The following HHAT variants were observed in gnomAD, a reference collection of about 807,000 sequenced individuals.
HHAT encodes protein-cysteine N-palmitoyltransferase HHAT.
In HHAT, 47 loss-of-function variants were observed where a neutral mutation model predicts 70.8. The observed-to-expected ratio is 0.66, with a 90% CI of 0.53 to 0.85. The LOEUF is 0.85. HHAT is among the 40% of genes least tolerant of loss of function. The probability of loss-of-function intolerance (pLI) is 0.00; values close to 1 mark genes in which losing one functional copy is unlikely to be tolerated. For missense variants in HHAT, 609 were observed against 604.8 expected, an observed-to-expected ratio of 1.01 and a Z score of -0.07; for synonymous variants, 228 against 247.6, an observed-to-expected ratio of 0.92 and a Z score of 0.74.
chr1:210,619,027 C>T (rs1374372425), intron 10 of HHAT, among the ~76,000 whole-genome samples: 1 of 152,208 alleles, frequency 6.6e-6, no homozygotes, highest in Non-Finnish European at 1.5e-5. Flanking sequence ...TCCTCCATCT[C>T]ATCTTAGTCT....
intron 9 of HHAT, among the ~76,000 whole-genome samples, chr1:210,585,872 G>C (rs1037965173): frequency 6.6e-6 from 1 of 152,198 alleles, no homozygotes; most frequent in Non-Finnish European, 1.5e-5. Context: ...AAGGCAGCCA[G>C]GGTGATCAGA....
intron 4 of HHAT, among the ~76,000 whole-genome samples, chr1:210,395,230 C>T (rs1000866206): frequency 2.0e-5 from 3 of 152,146 alleles, no homozygotes; most frequent in African/African-American, 7.2e-5. Flanking sequence ...CTCCTCCCTA[C>T]AGAGGTAAAC....
intron 2 of HHAT, among the ~76,000 whole-genome samples, chr1:210,354,256 G>A (rs1485649492): frequency 1.5e-5 from 2 of 133,206 alleles, no homozygotes; most frequent in African/African-American, 6.0e-5. Context: ...CCAGGCTGGA[G>A]TACAGTGGCA....
chr1:210,505,957 C>T (rs1409993643), intron 8 of HHAT, among the ~76,000 whole-genome samples: 3 of 152,136 alleles, frequency 2.0e-5, no homozygotes, highest in African/African-American at 7.2e-5. Flanking sequence ...AGGACAGTAC[C>T]CCAAAGGGCA....
chr1:210,562,378 CCAAT>C (rs1416605491), intron 9 of HHAT, among the ~76,000 whole-genome samples: 1 of 130,274 alleles, frequency 7.7e-6, no homozygotes, highest in Non-Finnish European at 1.5e-5. Context: ...TCTTTTCAAT[CCAAT>C]CACCAAGGGC....
intron 9 of HHAT, among the ~76,000 whole-genome samples, chr1:210,564,818 G>A (rs1224113314): frequency 1.3e-5 from 2 of 152,064 alleles, no homozygotes; most frequent in African/African-American, 2.4e-5. Context: ...AATGGGGAGG[G>A]GAGGGGAGGG....
chr1:210,398,466 G>C (rs1323423376), intron 4 of HHAT, among the ~76,000 whole-genome samples: 1 of 152,156 alleles, frequency 6.6e-6, no homozygotes, highest in Admixed American at 6.5e-5. Context: ...TCTGCCCCAA[G>C]GTGGCTTTGG....
intron 1 of HHAT, among the ~76,000 whole-genome samples, chr1:210,345,601 A>G (rs975458480): frequency 9.2e-5 from 14 of 152,188 alleles, no homozygotes; most frequent in African/African-American, 2.9e-4. Context: ...TTACTATTAG[A>G]AGTGTTTTGG....
intron 10 of HHAT, among the ~76,000 whole-genome samples, chr1:210,592,270 C>A (rs1375112033): frequency 6.6e-6 from 1 of 151,974 alleles, no homozygotes; most frequent in Non-Finnish European, 1.5e-5. Flanking sequence ...GTTTTCCCAG[C>A]ACCATTTTTT....
At chr1:210,512,670 CAAAA>C (rs34037290) in intron 8 of HHAT, among the ~76,000 whole-genome samples, 68 of 96,544 alleles carry the variant, frequency 7.0e-4, no homozygotes, top group East Asian at 3.5e-3. Context: ...GACCTTGTCT[CAAAA>C]AAAAAAAAAA....
chr1:210,436,496 G>A (rs1479083859), intron 7 of HHAT, among the ~76,000 whole-genome samples: 2 of 151,552 alleles, frequency 1.3e-5, no homozygotes, highest in African/African-American at 4.9e-5. Flanking sequence ...TTCTATTTCT[G>A]TGAAGACCGT....
At chr1:210,630,850 C>A (rs77101751) in intron 11 of HHAT, 40,884 of 354,674 alleles carry the variant, frequency 0.12, 2,728 homozygotes, top group South Asian at 0.18. Context: ...GCTGAGCCCT[C>A]TCGTCTTCCT....
intron 9 of HHAT, among the ~76,000 whole-genome samples, chr1:210,540,512 CACAA>C (rs55797711): frequency 0.13 from 19,067 of 141,994 alleles, 1,546 homozygotes; most frequent in South Asian, 0.23. Flanking sequence ...TGCACACACA[CACAA>C]ACACACGCTC....
At chr1:210,335,262 C>A (rs2085374632) in intron 1 of HHAT, among the ~76,000 whole-genome samples, 1 of 150,032 alleles carries the variant, frequency 6.7e-6, no homozygotes. Flanking sequence ...AATTTAACTC[C>A]ATATATGAAG....
intron 9 of HHAT, among the ~76,000 whole-genome samples, chr1:210,584,573 A>G (rs1453551760): frequency 6.6e-6 from 1 of 152,076 alleles, no homozygotes; most frequent in Non-Finnish European, 1.5e-5. Context: ...ACCGGATAAG[A>G]CTACTGTGCC....
chr1:210,453,413 C>G (rs976931193), intron 7 of HHAT, among the ~76,000 whole-genome samples: 2 of 152,192 alleles, frequency 1.3e-5, no homozygotes, highest in African/African-American at 4.8e-5. Flanking sequence ...TTTCATGGTG[C>G]ATGCTTGCAG....
At chr1:210,383,929 CCT>C (rs1216985757) in intron 3 of HHAT, among the ~76,000 whole-genome samples, 1 of 151,954 alleles carries the variant, frequency 6.6e-6, no homozygotes, top group African/African-American at 2.4e-5. Context: ...CACTGTTACC[CCT>C]CTCATTCTGC....
At position 210,674,901 on chromosome 1, in the gene HHAT, A is replaced by T. The variant is rs1158183604; in HGVS notation, c.*522A>T. On this transcript the variant is annotated 3_prime_UTR_variant, in exon 12 of 12. Transcript: ENST00000261458. The stretch of plus-strand genomic sequence containing the variant: ...TTTCATGCTTCAGCCCCTCTGTAGG[A>T]ATGAGACCAAGCCACAGCTGTCTTT... The T allele has an allele frequency of 6.5e-6, 1 of 152,780 alleles. No individual in the cohort carries two copies. Among genetic ancestry groups the T allele is most frequent in the African/African-American group, 2.4e-5 (1 of 41,436 alleles). The allele number at this position is 152,780 out of a possible 1,614,324, so 9.5% of individuals were successfully genotyped here.
intron 6 of HHAT, among the ~76,000 whole-genome samples, chr1:210,407,139 G>A (rs555389572): frequency 6.6e-6 from 1 of 152,166 alleles, no homozygotes; most frequent in Non-Finnish European, 1.5e-5. Context: ...GGGCTTTAAA[G>A]GGGCAGGGGG....
Sources: gnomAD v4.1 joint callset for allele counts (sites outside exome capture counted in the v4.1 genomes callset) on GRCh38, gnomAD v4.1.1 for gene constraint, MANE v1.5 for transcripts, NCBI Gene and HGNC (gene_info 2026-07-23, HGNC 2026-07-21) for gene names.